Variants in CAPN1 observed in about 807,000 individuals in gnomAD.
CAPN1 encodes the protein calpain 1.
Under a neutral mutation model 105.2 loss-of-function variants are expected in CAPN1, and 77 were observed. The ratio of observed to expected loss-of-function variants is 0.73; its 90% CI spans 0.61 to 0.88. CAPN1 has a LOEUF of 0.88. Among genes scored for constraint, CAPN1 ranks in the 40% least tolerant of loss-of-function variants. CAPN1 has a pLI of 0.00. For missense variants in CAPN1, 833 were observed against 976.6 expected (o/e 0.85, Z 1.96); for synonymous variants, 355 against 388.8 (o/e 0.91, Z 1.02).
chr11:65,188,001 C>T lies in CAPN1; in HGVS notation c.890C>T (p.Pro297Leu). The T allele has an allele frequency of 4.5e-6, 7 of 1,561,954 alleles. No homozygotes were observed. The highest frequency in any genetic ancestry group is 6.1e-6 in the Non-Finnish European group (7 of 1,153,182). Residue 297 changes from proline to leucine, a missense_variant, in exon 8 of 22, where the codon CCC becomes CTC. Transcript: ENST00000279247. This position sits in a 1 kb window ranked among gnomAD's most constrained non-coding sequence, Gnocchi z 5.5. ...QVVSLIRMRN[P>L]WGEVEWTGAW... The stretch of plus-strand genomic sequence containing the variant: ...GTGAGCCTGATCCGGATGCGGAACC[C>T]CTGGGGCGAGGTGGAGTGGACGGGA...
chr11:65,200,775 G>A (rs1320142183), intron 10 of CAPN1, among the ~76,000 whole-genome samples: 1 of 151,730 alleles, frequency 6.6e-6, no homozygotes, highest in East Asian at 1.9e-4. Flanking sequence ...CTATGATAGA[G>A]ACACACACCA....
At chr11:65,193,222 T>C (rs571551694) in intron 10 of CAPN1, among the ~76,000 whole-genome samples, 4 of 150,828 alleles carry the variant, frequency 2.7e-5, no homozygotes, top group Admixed American at 6.6e-5. Flanking sequence ...CTTGTGATCC[T>C]CCTGCCTCGG....
chr11:65,192,087 TA>T (rs1469559534), intron 10 of CAPN1, among the ~76,000 whole-genome samples: 1 of 152,118 alleles, frequency 6.6e-6, no homozygotes, highest in Admixed American at 6.6e-5. Context: ...TTTAAAAAAT[TA>T]GCCTGGTATG....
At chr11:65,195,422 G>A (rs1419685974) in intron 10 of CAPN1, among the ~76,000 whole-genome samples, 4 of 152,178 alleles carry the variant, frequency 2.6e-5, no homozygotes, top group Non-Finnish European at 5.9e-5. Flanking sequence ...CACCGCGCCC[G>A]GCCAATTTTC....
chr11:65,181,381 C>G (rs1486554089), upstream of CAPN1: 1 of 285,918 alleles, frequency 3.5e-6, no homozygotes, highest in Non-Finnish European at 7.2e-6. This position sits in a 1 kb window ranked among gnomAD's most constrained non-coding sequence, Gnocchi z 4.6. Context: ...CCAGCCCGGC[C>G]CCTCCTCAGA....
In CAPN1 at chr11:65,188,698, G is replaced by A. The variant is rs776147604; in HGVS notation, c.1117G>A (p.Gly373Ser). 5.0e-6 allele frequency: 8 copies of A among 1,607,572 alleles called. No individual in the cohort carries two copies. In the South Asian group the frequency reaches 8.9e-5, roughly 18 times the overall value. The change falls in exon 10 of 22, where the codon GGC becomes AGC. Residue 373 changes from glycine (G) to serine (S), a missense_variant. Transcript: ENST00000279247. The surrounding 1 kb of genome is among the most constrained non-coding windows in gnomAD (Gnocchi z 5.5). Reference sequence around the variant, plus strand: ...CAAATGGAACACCACACTCTACGAAGGCACCTGGCGGCGGGGGAGCACCGC... The same window carrying A: ...CAAATGGAACACCACACTCTACGAAAGCACCTGGCGGCGGGGGAGCACCGC... Reference protein sequence around the residue: ...IRKWNTTLYEGTWRRGSTAGG... With the variant: ...IRKWNTTLYESTWRRGSTAGG...
At position 65,188,016 on chromosome 11, in the gene CAPN1, A is replaced by G. The variant is rs1361911437; in HGVS notation, c.905A>G (p.Glu302Gly). The G allele has an allele frequency of 1.9e-6, 3 of 1,560,844 alleles. No individual in the cohort carries two copies. Among genetic ancestry groups the G allele is most frequent in the East Asian group, 2.4e-5 (1 of 41,432 alleles). ...IRMRNPWGEV[E>G]WTGAWSDSSS... The stretch of plus-strand genomic sequence containing the variant: ...ATGCGGAACCCCTGGGGCGAGGTGG[A>G]GTGGACGGGAGCCTGGAGCGACAGG... Residue 302 changes from glutamate to glycine, a missense_variant, in exon 8 of 22, where the codon GAG becomes GGG. Glu to Gly is a moderately conservative substitution (Grantham distance 98, BLOSUM62 -2). Transcript: ENST00000279247. The surrounding 1 kb of genome is among the most constrained non-coding windows in gnomAD (Gnocchi z 5.5).
At chr11:65,200,046 C>T (rs950573629) in intron 10 of CAPN1, among the ~76,000 whole-genome samples, 1 of 152,058 alleles carries the variant, frequency 6.6e-6, no homozygotes, top group Non-Finnish European at 1.5e-5. Flanking sequence ...ACACCTTTTT[C>T]GTTCTTTTTT....
intron 10 of CAPN1, chr11:65,203,680 T>C (rs1046517871): frequency 6.6e-6 from 1 of 152,194 alleles, no homozygotes; most frequent in African/African-American, 2.4e-5. Context: ...TGAACAAGGC[T>C]TTGCATGGAC....
rs1015587537 is a variant in CAPN1 at position 65,188,707 on chromosome 11, C to A, written c.1126C>A (p.Arg376=). The A allele has an allele frequency of 1.2e-6, 2 of 1,603,886 alleles. No homozygotes were observed. Among genetic ancestry groups the A allele is most frequent in the Admixed American group, 3.4e-5 (2 of 58,456 alleles). ...CACCACACTCTACGAAGGCACCTGGCGGCGGGGGAGCACCGCGGGGGGCTG... is the reference window on the plus strand; with the variant it reads ...CACCACACTCTACGAAGGCACCTGGAGGCGGGGGAGCACCGCGGGGGGCTG... The part of the protein sequence containing the change: ...WNTTLYEGTW[R]RGSTAGGCRN... The change falls in exon 10 of 22, where the codon CGG becomes AGG. Residue 376 remains arginine, a synonymous_variant. Coordinates refer to ENST00000279247, the MANE Select transcript of CAPN1 (RefSeq NM_005186.4). This position sits in a 1 kb window ranked among gnomAD's most constrained non-coding sequence, Gnocchi z 5.5.
At position 65,207,199 on chromosome 11, in the gene CAPN1, C is replaced by CTTT. The variant is rs34786351; in HGVS notation, c.1605+398_1605+400dup. Among the ~76,000 whole-genome samples, 67 of 113,348 alleles carry CTTT rather than the reference C, an allele frequency of 5.9e-4. 2 individuals are homozygous for CTTT. Among genetic ancestry groups the CTTT allele is most frequent in the African/African-American group, 2.2e-3 (61 of 28,002 alleles). 74.4% of individuals were successfully genotyped at this position (113,348 alleles called of 152,430 possible). On this transcript the variant is annotated intron_variant, in intron 14 of 21. Coordinates refer to ENST00000279247, the MANE Select transcript of CAPN1 (RefSeq NM_005186.4). ...ATACAGTAGGGATCCAAACTCTTGCCTTTTTTTTTTTTTTTTTTTTGAGAG... is the reference window on the plus strand; with the variant it reads ...ATACAGTAGGGATCCAAACTCTTGCCTTTTTTTTTTTTTTTTTTTTTTTGAGAG...
chr11:65,183,160 T>C lies in CAPN1; in HGVS notation c.300T>C (p.Asp100=). Residue 100 remains aspartate (D), a synonymous_variant, in exon 3 of 22, where the codon GAT becomes GAC. Coordinates refer to ENST00000279247, the MANE Select transcript of CAPN1 (RefSeq NM_005186.4). ...ELLSNPQFIV[D]GATRTDICQG... The stretch of plus-strand genomic sequence containing the variant: ...TGTCAAACCCCCAGTTCATTGTGGA[T>C]GGAGCTACCCGCACAGACATCTGCC... 1.9e-6 allele frequency: 3 copies of C among 1,613,888 alleles called. No homozygotes were observed. Among genetic ancestry groups the C allele is most frequent in the Non-Finnish European group, 2.5e-6 (3 of 1,179,840 alleles).
chr11:65,183,318 G>A (rs1035400636), intron 3 of CAPN1, 121 bp downstream of exon 3: 3 of 1,169,342 alleles, frequency 2.6e-6, no homozygotes, highest in Admixed American at 3.5e-5. Flanking sequence ...GGCTATCAGC[G>A]CTGGGGCTGG....
chr11:65,211,311 G>A lies in CAPN1; in HGVS notation c.*25G>A, dbSNP rs767203218. 57 of 1,610,390 alleles carry A rather than the reference G, an allele frequency of 3.5e-5. No homozygotes were observed. Among genetic ancestry groups the A allele is most frequent in the East Asian group, 1.8e-4 (8 of 44,850 alleles). ...AGGCAGGGACTCGGTCCCCCTTGCC[G>A]TGCTCCCCTCCCTCCTCGTCTGCCA... On this transcript the variant is annotated 3_prime_UTR_variant, in exon 22 of 22. Coordinates refer to ENST00000279247, the MANE Select transcript of CAPN1 (RefSeq NM_005186.4).
At chr11:65,189,271 T>C (rs1167044817) in intron 10 of CAPN1, among the ~76,000 whole-genome samples, 1 of 152,240 alleles carries the variant, frequency 6.6e-6, no homozygotes, top group African/African-American at 2.4e-5. Context: ...TCCGACCACC[T>C]TGGCCTCCCA....
rs751877160 is a variant in CAPN1 at position 65,188,647 on chromosome 11, G to A, written c.1066G>A (p.Asp356Asn). 3.7e-6 allele frequency: 6 copies of A among 1,613,748 alleles called. No homozygotes were observed. Among genetic ancestry groups the A allele is most frequent in the East Asian group, 2.2e-5 (1 of 44,880 alleles). ...TRLEICNLTP[D>N]ALKSRTIRKW... ...CCTGGAGATCTGCAACCTCACACCC[G>A]ACGCCCTCAAGAGCCGGACCATCCG... Residue 356 changes from aspartate to asparagine, a missense_variant, in exon 10 of 22, where the codon GAC (aspartate) becomes AAC (asparagine). Asp to Asn is a conservative substitution (Grantham distance 23, BLOSUM62 1). Transcript: ENST00000279247. The surrounding 1 kb of genome is among the most constrained non-coding windows in gnomAD (Gnocchi z 5.5).
In CAPN1 at chr11:65,188,598, A is replaced by G; in HGVS notation, c.1017A>G (p.Arg339=). Residue 339 remains arginine, a synonymous_variant, in exon 10 of 22, where the codon CGA becomes CGG. Coordinates refer to ENST00000279247, the MANE Select transcript of CAPN1 (RefSeq NM_005186.4). This position sits in a 1 kb window ranked among gnomAD's most constrained non-coding sequence, Gnocchi z 5.5. ...CCTCCCACCTCAGGATGTCATTCCG[A>G]GACTTCATGCGGGAGTTCACCCGCC... ...MEDGEFWMSF[R]DFMREFTRLE... 1 of 1,613,882 alleles carries G rather than the reference A, an allele frequency of 6.2e-7. No individual in the cohort carries two copies. The highest frequency in any genetic ancestry group is 8.5e-7 in the Non-Finnish European group (1 of 1,179,850).
chr11:65,211,350 A>G lies in CAPN1; in HGVS notation c.*64A>G. 6.6e-7 allele frequency: 1 copy of G among 1,520,632 alleles called. No individual in the cohort carries two copies. The highest frequency in any genetic ancestry group is 9.0e-7 in the Non-Finnish European group (1 of 1,106,308). The allele number at this position is 1,520,632 out of a possible 1,614,324, so 94.2% of individuals were successfully genotyped here. On this transcript the variant is annotated 3_prime_UTR_variant, in exon 22 of 22. Coordinates refer to ENST00000279247, the MANE Select transcript of CAPN1 (RefSeq NM_005186.4). ...CCTCGTCTGCCAAGCCTCGCCTCCT[A>G]CCACACCACACCAGGCCACCCCAGC...
At chr11:65,211,153 A>T in intron 21 of CAPN1, 107 bp from the exon 22 acceptor site, 1 of 1,247,552 alleles carries the variant, frequency 8.0e-7, no homozygotes, top group Non-Finnish European at 1.1e-6. Context: ...GAGGTTCCTG[A>T]GGTGGCTCCT....
Sources: gnomAD v4.1 joint callset for allele counts (sites outside exome capture counted in the v4.1 genomes callset) on GRCh38, gnomAD v4.1.1 for gene constraint, Gnocchi (gnomAD v3.1) non-coding constraint, MANE v1.5 for transcripts, NCBI Gene and HGNC (gene_info 2026-07-23, HGNC 2026-07-21) for gene names.